The following DSCAML1 variants were observed in gnomAD, a reference collection of about 807,000 sequenced individuals.
DSCAML1 encodes the protein cell adhesion molecule DSCAML1.
Under a neutral mutation model 200.5 loss-of-function variants are expected in DSCAML1, and 38 were observed. The ratio of observed to expected loss-of-function variants is 0.19; its 90% CI spans 0.15 to 0.25. The LOEUF (loss-of-function observed/expected upper bound fraction) is 0.25, where lower values mean the gene tolerates loss of function less well. Among genes scored for constraint, DSCAML1 ranks in the 10% least tolerant of loss-of-function variants. DSCAML1 has a pLI of 1.00. For synonymous variants in DSCAML1, 1,215 were observed against 1,165.0 expected (o/e 1.04, Z -0.87); for missense variants, 2,223 against 2,858.8 (o/e 0.78, Z 5.07).
intron 3 of DSCAML1, among the ~76,000 whole-genome samples, chr11:117,570,703 C>T (rs547411665): frequency 6.6e-6 from 1 of 152,362 alleles, no homozygotes; most frequent in African/African-American, 2.4e-5. Flanking sequence ...GACTACCACA[C>T]TTTGTGCATG....
At chr11:117,538,267 G>T (rs185794339) in intron 3 of DSCAML1, among the ~76,000 whole-genome samples, 1 of 152,184 alleles carries the variant, frequency 6.6e-6, no homozygotes, top group African/African-American at 2.4e-5. Flanking sequence ...CTATACTAGC[G>T]CAAGCCCCAT....
At chr11:117,751,985 G>C (rs980579479) in intron 3 of DSCAML1, among the ~76,000 whole-genome samples, 3 of 152,204 alleles carry the variant, frequency 2.0e-5, no homozygotes, top group Non-Finnish European at 4.4e-5. Context: ...TTTTCATAAA[G>C]GGAATTATTG....
rs774541575 is a variant in DSCAML1, at chr11:117,780,457, C to T, written c.364+36G>A. ...CTCAGAATGACGGCGCAGCCTCCTC[C>T]TGTGCCACTGGGGCAGCCAGTGTCT... On this transcript the variant is annotated intron_variant, in intron 2 of 32. Coordinates refer to ENST00000651296, the MANE Select transcript of DSCAML1 (RefSeq NM_020693.4). This position sits in a 1 kb window ranked among gnomAD's most constrained non-coding sequence, Gnocchi z 4.8. The T allele has an allele frequency of 4.1e-5, 58 of 1,415,150 alleles. No homozygotes were observed. Among genetic ancestry groups the T allele is most frequent in the Non-Finnish European group, 5.3e-5 (57 of 1,080,186 alleles). 87.7% of individuals were successfully genotyped at this position (1,415,150 alleles called of 1,614,324 possible).
chr11:117,542,874 C>A (rs1002199518), intron 3 of DSCAML1, among the ~76,000 whole-genome samples: 8 of 152,190 alleles, frequency 5.3e-5, no homozygotes, highest in African/African-American at 1.9e-4. Context: ...GGCTCCTGAA[C>A]ACAAATTCAG....
intron 1 of DSCAML1, among the ~76,000 whole-genome samples, chr11:117,809,833 TCA>T (rs368334583): frequency 2.6e-5 from 4 of 151,872 alleles, no homozygotes; most frequent in East Asian, 1.9e-4. Context: ...ACACACAAAC[TCA>T]CACAGTCACA....
intron 20 of DSCAML1, among the ~76,000 whole-genome samples, chr11:117,446,717 T>G (rs906306538): frequency 1.3e-5 from 2 of 152,226 alleles, no homozygotes; most frequent in Non-Finnish European, 2.9e-5. Flanking sequence ...GACAATACTG[T>G]TGGCCACTCA....
At chr11:117,732,909 A>T (rs2137821724) in intron 3 of DSCAML1, among the ~76,000 whole-genome samples, 1 of 152,290 alleles carries the variant, frequency 6.6e-6, no homozygotes, top group South Asian at 2.1e-4. Context: ...TAACAAAAAA[A>T]AATTATATGC....
At chr11:117,491,685 G>A (rs1256310998) in intron 11 of DSCAML1, among the ~76,000 whole-genome samples, 2 of 152,188 alleles carry the variant, frequency 1.3e-5, no homozygotes, top group Non-Finnish European at 2.9e-5. Context: ...GAGGTGGGAG[G>A]ATTGCTTGCA....
At chr11:117,795,171 C>A (rs2055547261) in intron 1 of DSCAML1, among the ~76,000 whole-genome samples, 1 of 152,194 alleles carries the variant, frequency 6.6e-6, no homozygotes, top group Non-Finnish European at 1.5e-5. Flanking sequence ...GCCTCCTGCA[C>A]TCCCCGGGAA....
chr11:117,587,017 C>A (rs2051157554), intron 3 of DSCAML1, among the ~76,000 whole-genome samples: 1 of 152,152 alleles, frequency 6.6e-6, no homozygotes, highest in Admixed American at 6.5e-5. Flanking sequence ...GACAGACATA[C>A]CAACACGTCA....
In DSCAML1 at chr11:117,796,635, T is replaced by TC. The variant is rs201817233; in HGVS notation, c.46+398dup. Among the ~76,000 whole-genome samples the TC allele has an allele frequency of 4.8e-3, 733 of 152,232 alleles. 4 individuals carry two copies. The highest frequency in any genetic ancestry group is 0.017 in the African/African-American group (690 of 41,524). On this transcript the variant is annotated intron_variant, in intron 1 of 32. Coordinates refer to ENST00000651296, the MANE Select transcript of DSCAML1 (RefSeq NM_020693.4). ...GTCCGAGGCCTGAATAAGCAAGGAC[T>TC]CCTAGGTCAAGAGTCACGGCCTGAG...
chr11:117,515,326 T>A (rs2049737494), intron 8 of DSCAML1, among the ~76,000 whole-genome samples: 1 of 152,098 alleles, frequency 6.6e-6, no homozygotes, highest in Non-Finnish European at 1.5e-5. Context: ...CCTGGGGGTA[T>A]CCACCTCCCC....
At position 117,469,535 on chromosome 11, in the gene DSCAML1, A is replaced by G. The variant is rs1447091082; in HGVS notation, c.3024+375T>C. Among the ~76,000 whole-genome samples the G allele has an allele frequency of 6.6e-6, 1 of 151,994 alleles. No homozygotes were observed. Among genetic ancestry groups the G allele is most frequent in the Non-Finnish European group, 1.5e-5 (1 of 68,004 alleles). On this transcript the variant is annotated intron_variant, in intron 16 of 32. Transcript: ENST00000651296. The surrounding 1 kb of genome is among the most constrained non-coding windows in gnomAD (Gnocchi z 4.1). ...AGGGAGGGCAGTTGTTTTCATGCTG[A>G]TGTTAGAAAGGAGGAACTTGGCACA...
intron 16 of DSCAML1, among the ~76,000 whole-genome samples, chr11:117,468,691 C>T (rs1565711058): frequency 6.6e-6 from 1 of 152,168 alleles, no homozygotes; most frequent in Admixed American, 6.5e-5. Context: ...CAGGAAGGAC[C>T]AGCTGCCCAG....
chr11:117,719,466 A>G (rs541985896), intron 3 of DSCAML1, among the ~76,000 whole-genome samples: 1 of 152,356 alleles, frequency 6.6e-6, no homozygotes, highest in South Asian at 2.1e-4. Flanking sequence ...AAGGAAAGAA[A>G]GCAAGCTCAG....
intron 3 of DSCAML1, among the ~76,000 whole-genome samples, chr11:117,601,068 G>A (rs767937547): frequency 6.6e-6 from 1 of 152,108 alleles, no homozygotes; most frequent in African/African-American, 2.4e-5. Flanking sequence ...CCATTTTGCC[G>A]TACACCCACA....
At chr11:117,779,592 G>A (rs2055195506) in intron 2 of DSCAML1, among the ~76,000 whole-genome samples, 1 of 152,190 alleles carries the variant, frequency 6.6e-6, no homozygotes, top group African/African-American at 2.4e-5. Flanking sequence ...ACACTAGGCA[G>A]CAGTGAGAAC....
At position 117,431,604 on chromosome 11, in the gene DSCAML1, G is replaced by C. The variant is rs745630195; in HGVS notation, c.5304C>G (p.Thr1768=). The change falls in exon 31 of 33, where the codon ACC becomes ACG. Residue 1768 remains threonine (T), a synonymous_variant. Transcript: ENST00000651296. ...PARTLTSDWR[T]VGSQHGVTVT... ...CCGTGACACCATGCTGGGAGCCCACGGTGCGCCAGTCGGAGGTGAGGGTGC... is the reference window on the plus strand; with the variant it reads ...CCGTGACACCATGCTGGGAGCCCACCGTGCGCCAGTCGGAGGTGAGGGTGC... 3 of 1,612,906 alleles carry C rather than the reference G, an allele frequency of 1.9e-6. No individual in the cohort carries two copies. Among genetic ancestry groups the C allele is most frequent in the Non-Finnish European group, 2.5e-6 (3 of 1,179,358 alleles).
chr11:117,666,639 G>A lies in DSCAML1; in HGVS notation c.511+110152C>T, dbSNP rs114504447. On this transcript the variant is annotated intron_variant, in intron 3 of 32. Coordinates refer to ENST00000651296, the MANE Select transcript of DSCAML1 (RefSeq NM_020693.4). ...TGCAGAACAGCCTCAGCCTCAGGTGGTGGGGAGTATGAGGCCTGAGCTACG... is the reference window on the plus strand; with the variant it reads ...TGCAGAACAGCCTCAGCCTCAGGTGATGGGGAGTATGAGGCCTGAGCTACG... Among the ~76,000 whole-genome samples, 696 of 152,308 alleles carry A rather than the reference G, an allele frequency of 4.6e-3. 7 individuals carry two copies. Among genetic ancestry groups the A allele is most frequent in the African/African-American group, 0.016 (658 of 41,562 alleles).
Sources: allele counts gnomAD v4.1 joint callset (sites outside exome capture counted in the v4.1 genomes callset), GRCh38; gene constraint gnomAD v4.1.1; non-coding constraint Gnocchi (gnomAD v3.1); transcripts MANE v1.5; gene names NCBI Gene and HGNC (gene_info 2026-07-23, HGNC 2026-07-21).